The following CA13 variants were observed in gnomAD, a reference collection of about 807,000 sequenced individuals.
CA13 encodes CA-XIII.
In CA13, 21 loss-of-function variants were observed where a neutral mutation model predicts 31.5. The ratio of observed to expected loss-of-function variants is 0.67; its 90% confidence interval spans 0.47 to 0.96. The LOEUF (loss-of-function observed/expected upper bound fraction) is 0.96. CA13 is among the 40% of genes least tolerant of loss of function. The pLI is 0.00. For synonymous variants in CA13, 117 were observed against 111.4 expected (o/e 1.05, Z -0.32); for missense variants, 315 against 318.9 (o/e 0.99, Z 0.09).
chr8:85,264,134 C>G, intron 3 of CA13, among the ~76,000 whole-genome samples: 1 of 152,204 alleles, frequency 6.6e-6, no homozygotes, highest in East Asian at 1.9e-4. Context: ...CTAGGCTAAT[C>G]GTCCATTCTG....
intron 6 of CA13, among the ~76,000 whole-genome samples, chr8:85,275,907 C>T (rs959611681): frequency 1.1e-4 from 16 of 152,258 alleles, no homozygotes; most frequent in African/African-American, 3.9e-4. Flanking sequence ...GCTGGCAGTC[C>T]TCGCAGCCCT....
rs371945064 is a variant in CA13 at position 85,276,138 on chromosome 8, G to C, written c.670-5092G>C. ...ACGAGTTCCGGGTGGGCGTGGGCTC[G>C]GTGGGTCCCGCACTCGGAGCGGCGG... On this transcript the variant is annotated intron_variant, in intron 6 of 6. Transcript: ENST00000321764. Among the ~76,000 whole-genome samples the C allele has an allele frequency of 1.7e-4, 26 of 152,234 alleles. No individual in the cohort carries two copies. The South Asian group carries it at 3.3e-3, about 19-fold the overall frequency.
At chr8:85,275,306 T>G (rs1807586177) in intron 6 of CA13, among the ~76,000 whole-genome samples, 1 of 152,162 alleles carries the variant, frequency 6.6e-6, no homozygotes. Flanking sequence ...TTGCGGGATA[T>G]GCACACCGTC....
chr8:85,255,744 A>G (rs2129960068), intron 2 of CA13, among the ~76,000 whole-genome samples: 1 of 152,314 alleles, frequency 6.6e-6, no homozygotes, highest in East Asian at 1.9e-4. Flanking sequence ...AGTAGTTTGA[A>G]GAAGAAAGAC....
chr8:85,250,874 A>G lies in CA13; in HGVS notation c.172A>G (p.Lys58Glu). The change falls in exon 2 of 7, where the codon AAA becomes GAA. Residue 58 changes from lysine (K) to glutamate (E), a missense_variant. Physicochemically the swap from Lys to Glu is moderately conservative, Grantham distance 56. Transcript: ENST00000321764. ...TATCAAGTATGACCCAAGCTCAGCT[A>G]AAATCATCAGCAACAGCGGCCATTC... ...LSIKYDPSSA[K>E]IISNSGHSFN... 6.2e-7 allele frequency: 1 copy of G among 1,614,166 alleles called. No homozygotes were observed. Among genetic ancestry groups the G allele is most frequent in the Non-Finnish European group, 8.5e-7 (1 of 1,180,022 alleles).
intron 2 of CA13, among the ~76,000 whole-genome samples, chr8:85,254,690 C>T (rs960686266): frequency 5.4e-5 from 8 of 149,522 alleles, no homozygotes; most frequent in Admixed American, 4.7e-4. Flanking sequence ...CTTTTTTTCT[C>T]AAGATAAACC....
At chr8:85,260,701 A>G (rs1807364201) in intron 3 of CA13, among the ~76,000 whole-genome samples, 5 of 152,208 alleles carry the variant, frequency 3.3e-5, no homozygotes, top group Admixed American at 3.3e-4. Context: ...CTTTGTCTAG[A>G]AGGTAGAAAG....
chr8:85,271,725 G>C (rs747037674), intron 6 of CA13, among the ~76,000 whole-genome samples: 40 of 152,118 alleles, frequency 2.6e-4, no homozygotes, highest in Non-Finnish European at 7.3e-5. Flanking sequence ...TAAGTGTGTG[G>C]TTGCTGATTT....
intron 3 of CA13, among the ~76,000 whole-genome samples, chr8:85,266,212 A>G (rs1425676318): frequency 6.6e-6 from 1 of 152,194 alleles, no homozygotes; most frequent in African/African-American, 2.4e-5. Flanking sequence ...ATTTTCTGAT[A>G]TGAAGTGTCG....
chr8:85,281,688 T>A lies in CA13; in HGVS notation c.*339T>A, dbSNP rs1564006729. ...CAAGCATGCCTGGCTAATTTTTAAA[T>A]TTTTTTTTTTTAAGAAATAGGGTCT... On this transcript the variant is annotated 3_prime_UTR_variant, in exon 7 of 7. Coordinates refer to ENST00000321764, the MANE Select transcript of CA13 (RefSeq NM_198584.3). 6.5e-6 allele frequency: 1 copy of A among 152,800 alleles called. No homozygotes were observed. The highest frequency in any genetic ancestry group is 1.3e-5 in the Non-Finnish European group (1 of 75,654). 9.5% of individuals were successfully genotyped at this position (152,800 alleles called of 1,614,324 possible).
chr8:85,257,796 T>A (rs1266956232), intron 2 of CA13, among the ~76,000 whole-genome samples: 1 of 149,388 alleles, frequency 6.7e-6, no homozygotes, highest in East Asian at 1.9e-4. Flanking sequence ...TTTTTGTATT[T>A]TTTTTTTTTT....
intron 1 of CA13, 30 bp downstream of exon 1, chr8:85,245,895 G>T (rs553239931): frequency 1.2e-6 from 2 of 1,613,944 alleles, no homozygotes; most frequent in Non-Finnish European, 1.7e-6. Flanking sequence ...CCAAGGGGGG[G>T]TTTGTGCGGG....
Position 85,245,838 on chromosome 8 carries a change from C to CTCA in CA13, c.11_13dup (p.Leu4_Ser5insIle). ...TCCACCCCGAGGGACCATGTCGAGG[C>CTCA]TCAGCTGGGGATACCGCGAGCACAA... On this transcript the variant is annotated inframe_insertion, in exon 1 of 7. Coordinates refer to ENST00000321764, the MANE Select transcript of CA13 (RefSeq NM_198584.3). 6.2e-7 allele frequency: 1 copy of CTCA among 1,614,194 alleles called. No individual in the cohort carries two copies. The highest frequency in any genetic ancestry group is 1.7e-5 in the Admixed American group (1 of 60,030).
intron 1 of CA13, among the ~76,000 whole-genome samples, chr8:85,246,935 G>A (rs531325779): frequency 6.4e-4 from 97 of 152,158 alleles, no homozygotes; most frequent in South Asian, 2.1e-4. Flanking sequence ...AGTATAGAAT[G>A]GTCAAATTTT....
intron 6 of CA13, among the ~76,000 whole-genome samples, chr8:85,278,071 G>C (rs2130013781): frequency 6.6e-6 from 1 of 151,650 alleles, no homozygotes; most frequent in South Asian, 2.1e-4. Context: ...GACCAGTCTG[G>C]CCAACATAGC....
intron 6 of CA13, among the ~76,000 whole-genome samples, chr8:85,271,569 C>T (rs1807526380): frequency 6.6e-6 from 1 of 152,162 alleles, no homozygotes. Flanking sequence ...CTTGCCAAGT[C>T]TCTTTGGGTT....
At chr8:85,250,696 A>G (rs375652968) in intron 1 of CA13, 44 bp from the exon 2 acceptor site, 414 of 1,281,942 alleles carry the variant, frequency 3.2e-4, no homozygotes, top group Non-Finnish European at 4.0e-4. Context: ...TTGTTGAAAG[A>G]AAGAACTTAT....
At chr8:85,276,460 G>A (rs887350571) in intron 6 of CA13, among the ~76,000 whole-genome samples, 3 of 152,256 alleles carry the variant, frequency 2.0e-5, no homozygotes, top group African/African-American at 4.8e-5. Flanking sequence ...GCCCTGGTGC[G>A]AGATCCACTG....
chr8:85,281,300 G>A lies in CA13; in HGVS notation c.740G>A (p.Arg247His), dbSNP rs755805228. The A allele has an allele frequency of 2.3e-5, 37 of 1,613,912 alleles. No homozygotes were observed. The highest frequency in any genetic ancestry group is 1.2e-4 in the Admixed American group (7 of 60,008). ...GCAGCTTTTCTGGTGAGCAATCACC[G>A]CCCACCACAGCCTCTAAAGGGCCGC... ...EAAAFLVSNH[R>H]PPQPLKGRKV... The change falls in exon 7 of 7, where the codon CGC becomes CAC. Residue 247 changes from arginine to histidine, a missense_variant. Arg to His is a conservative substitution (Grantham distance 29). Transcript: ENST00000321764.
Sources: gnomAD v4.1 joint callset for allele counts (sites outside exome capture counted in the v4.1 genomes callset) on GRCh38, gnomAD v4.1.1 for gene constraint, MANE v1.5 for transcripts, NCBI Gene and HGNC (gene_info 2026-07-23, HGNC 2026-07-21) for gene names.